Variants in BEND2 observed in about 807,000 individuals in gnomAD.
The protein encoded by BEND2 is BEN domain-containing protein 2.
A neutral mutation model predicts 43.8 loss-of-function variants in BEND2; 19 were observed. The ratio of observed to expected loss-of-function variants is 0.43; its 90% CI spans 0.30 to 0.64. The LOEUF is 0.64. BEND2 is among the 30% of genes least tolerant of loss of function. BEND2 has a pLI of 0.11. For synonymous variants in BEND2, 226 were observed against 210.1 expected, an observed-to-expected ratio of 1.08 and a Z score of -0.66; for missense variants, 544 against 574.0, an observed-to-expected ratio of 0.95 and a Z score of 0.53.
chrX:18,169,477 G>A (rs1281099588), intron 13 of BEND2, among the ~76,000 whole-genome samples: 2 of 111,725 alleles, frequency 1.8e-5, no homozygotes, highest in Non-Finnish European at 3.8e-5. Context: ...TCGAATGAAG[G>A]AGTACTTTTA....
chrX:18,168,606 G>A (rs1025921458), intron 13 of BEND2, among the ~76,000 whole-genome samples: 1 of 111,111 alleles, frequency 9.0e-6, no homozygotes, highest in Non-Finnish European at 1.9e-5. Flanking sequence ...CATGGATGGG[G>A]GTTTAAGGAG....
At chrX:18,165,282 A>G in intron 13 of BEND2, 59 bp from the exon 14 acceptor site, 1 of 981,065 alleles carries the variant, frequency 1.0e-6, no homozygotes, top group Non-Finnish European at 1.4e-6. Context: ...AGAGAAATCA[A>G]TTCATTCAAC....
chrX:18,195,710 T>G (rs1473899727), intron 6 of BEND2, among the ~76,000 whole-genome samples: 2 of 108,841 alleles, frequency 1.8e-5, no homozygotes. Context: ...AGACCCCACC[T>G]CTACAAAAAA....
At chrX:18,180,933 C>T (rs1410253301) in intron 8 of BEND2, among the ~76,000 whole-genome samples, 1 of 110,405 alleles carries the variant, frequency 9.1e-6, no homozygotes, top group Non-Finnish European at 1.9e-5. Flanking sequence ...CACCACCATA[C>T]CTGGCTAATT....
chrX:18,216,027 G>A (rs1481626784), intron 2 of BEND2, among the ~76,000 whole-genome samples: 1 of 111,332 alleles, frequency 9.0e-6, no homozygotes, highest in Admixed American at 9.6e-5. Flanking sequence ...AATTCCAATT[G>A]TTTACTGTTG....
chrX:18,164,686 G>T lies in BEND2; in HGVS notation c.*323C>A. ...ACTGAGTGGCTCCTTACTTTCTATT[G>T]AATTTCTTTCTCTACCTTATCAAAA... is the stretch of plus-strand genomic sequence containing the variant. On this transcript the variant is annotated 3_prime_UTR_variant, in exon 14 of 14. Coordinates refer to ENST00000380033, the MANE Select transcript of BEND2 (RefSeq NM_153346.5). 1 of 169,397 alleles carries T rather than the reference G, an allele frequency of 5.9e-6. No individual in the cohort carries two copies. Among genetic ancestry groups the T allele is most frequent in the Non-Finnish European group, 1.1e-5 (1 of 91,084 alleles). The allele number at this position is 169,397 out of a possible 1,213,427, so 14.0% of individuals were successfully genotyped here.
At chrX:18,207,556 T>C (rs1925374660) in intron 4 of BEND2, among the ~76,000 whole-genome samples, 1 of 112,109 alleles carries the variant, frequency 8.9e-6, no homozygotes, top group Non-Finnish European at 1.9e-5. Flanking sequence ...GAGGCTTAAC[T>C]ACATTTGATC....
At position 18,191,072 on chromosome X, in the gene BEND2, T is replaced by C. The variant is rs144223792; in HGVS notation, c.1217A>G (p.Tyr406Cys). Residue 406 changes from tyrosine (Y) to cysteine (C), a missense_variant, in exon 8 of 14, where the codon TAC (tyrosine) becomes TGC (cysteine). Physicochemically the swap from Tyr to Cys is radical, Grantham distance 194 (BLOSUM62 -2). Around this residue, in one of 2 missense-constraint regions of BEND2, gnomAD observed 501 missense variants for 501.6 expected, o/e 1.00. Transcript: ENST00000380033. ...GPQMSYGTMS[Y>C]STEMKNNCDQ... ...ACAGTTATTTTTCATTTCAGTTGAG[T>C]AACTCATTGTCCCATAACTCATTTG... 1.3e-4 allele frequency: 163 copies of C among 1,207,900 alleles called. 2 individuals are homozygous for C. In the African/African-American group the frequency reaches 2.7e-3, roughly 20 times the overall value.
chrX:18,178,295 G>C (rs1235684835), intron 9 of BEND2, among the ~76,000 whole-genome samples: 1 of 111,546 alleles, frequency 9.0e-6, no homozygotes, highest in Non-Finnish European at 1.9e-5. Flanking sequence ...CTGTGCACTA[G>C]CTCAGTTTCA....
chrX:18,166,644 G>A (rs913416064), intron 13 of BEND2, among the ~76,000 whole-genome samples: 6 of 111,249 alleles, frequency 5.4e-5, no homozygotes, highest in South Asian at 3.9e-4. Context: ...TCGGCCAGGC[G>A]CAGTGGCCAG....
chrX:18,220,440 C>T (rs753145542), intron 1 of BEND2, among the ~76,000 whole-genome samples: 1 of 111,793 alleles, frequency 8.9e-6, no homozygotes, highest in South Asian at 3.9e-4. Context: ...CCAAGAGCCA[C>T]GGAGACGCCA....
At chrX:18,165,486 T>G (rs1300678818) in intron 13 of BEND2, among the ~76,000 whole-genome samples, 2 of 111,883 alleles carry the variant, frequency 1.8e-5, no homozygotes, top group African/African-American at 6.5e-5. Flanking sequence ...AGAAATCCTC[T>G]GCTGCCTTGA....
intron 2 of BEND2, among the ~76,000 whole-genome samples, chrX:18,214,155 C>T (rs745941181): frequency 1.4e-4 from 15 of 110,723 alleles, no homozygotes; most frequent in Admixed American, 4.8e-4. Flanking sequence ...TGTGGTGGCA[C>T]GTGCCTATAG....
chrX:18,188,891 T>C (rs1924659677), intron 8 of BEND2, among the ~76,000 whole-genome samples: 1 of 111,526 alleles, frequency 9.0e-6, no homozygotes, highest in Non-Finnish European at 1.9e-5. Context: ...TACTAGGAAA[T>C]AGAATTCAAC....
chrX:18,216,543 G>T lies in BEND2; in HGVS notation c.216C>A (p.His72Gln). Reference protein sequence around the residue: ...PNFPGGNDGHHRPLQMSYGSG... With the variant: ...PNFPGGNDGHQRPLQMSYGSG... ...TACCATATGACATTTGGAGTGGACG[G>T]TGATGGCCATCATTGCCGCCTGGAA... Residue 72 changes from histidine (H) to glutamine (Q), a missense_variant, in exon 2 of 14, where the codon CAC (histidine) becomes CAA (glutamine). By Grantham distance (24) the His-to-Gln change is conservative. This residue lies in a region of BEND2 where 501 missense variants were observed against 501.6 expected (regional missense o/e 1.00). Coordinates refer to ENST00000380033, the MANE Select transcript of BEND2 (RefSeq NM_153346.5). 2 of 1,205,648 alleles carry T rather than the reference G, an allele frequency of 1.7e-6. No homozygotes were observed. The highest frequency in any genetic ancestry group is 2.2e-6 in the Non-Finnish European group (2 of 890,033).
Position 18,162,941 on chromosome X carries a change from T to A in BEND2, c.*2068A>T, listed in dbSNP as rs1389617066. Reference sequence around the variant, plus strand: ...ACCTGAGCATCTGTATTAAGGCATTTTAAATGTTTATTTATTGTATCTATT... The same window carrying A: ...ACCTGAGCATCTGTATTAAGGCATTATAAATGTTTATTTATTGTATCTATT... On this transcript the variant is annotated 3_prime_UTR_variant, in exon 14 of 14. Transcript: ENST00000380033. The A allele has an allele frequency of 8.9e-6, 1 of 112,387 alleles. No homozygotes were observed. Among genetic ancestry groups the A allele is most frequent in the Non-Finnish European group, 1.9e-5 (1 of 53,255 alleles). 9.3% of individuals were successfully genotyped at this position (112,387 alleles called of 1,213,427 possible).
chrX:18,188,569 T>C (rs1208453567), intron 8 of BEND2, among the ~76,000 whole-genome samples: 3 of 111,280 alleles, frequency 2.7e-5, no homozygotes, highest in Non-Finnish European at 3.8e-5. Context: ...CCTACCAAGT[T>C]TGAACCGTGA....
chrX:18,217,629 T>C (rs891371442), intron 1 of BEND2, among the ~76,000 whole-genome samples: 21 of 111,413 alleles, frequency 1.9e-4, no homozygotes, highest in Middle Eastern at 4.6e-3. Context: ...AAAGTGGGGT[T>C]TTTTTAAGAG....
At chrX:18,180,698 G>A in intron 8 of BEND2, 48 bp from the exon 9 acceptor site, 1 of 1,009,915 alleles carries the variant, frequency 9.9e-7, no homozygotes, top group Non-Finnish European at 1.4e-6. Flanking sequence ...CAGCAAAACT[G>A]TTTTTCAGGT....
Sources: gnomAD v4.1 joint callset for allele counts (sites outside exome capture counted in the v4.1 genomes callset) on GRCh38, gnomAD v4.1.1 for gene constraint, gnomAD v4.1.1 regional missense constraint, MANE v1.5 for transcripts, NCBI Gene and HGNC (gene_info 2026-07-23, HGNC 2026-07-21) for gene names.